Variants in PGS1 observed in about 807,000 individuals in gnomAD.
PGS1 encodes the protein phosphatidylglycerophosphate synthase 1.
Under a neutral mutation model 58.3 loss-of-function variants are expected in PGS1, and 44 were observed. The ratio of observed to expected loss-of-function variants is 0.75; its 90% confidence interval spans 0.59 to 0.97. PGS1 has a LOEUF of 0.97. PGS1 is among the 50% of genes least tolerant of loss of function. The pLI is 0.00. For synonymous variants in PGS1, 330 were observed against 311.0 expected (o/e 1.06, Z -0.64); for missense variants, 684 against 731.1 (o/e 0.94, Z 0.74).
At chr17:78,402,335 A>G (rs1054404621) in intron 6 of PGS1, among the ~76,000 whole-genome samples, 8 of 152,068 alleles carry the variant, frequency 5.3e-5, no homozygotes, top group South Asian at 2.1e-4. Context: ...TTATCAGACA[A>G]TCAACTTTGG....
At chr17:78,409,416 T>C (rs1329587984) in intron 7 of PGS1, among the ~76,000 whole-genome samples, 1 of 152,276 alleles carries the variant, frequency 6.6e-6, no homozygotes, top group African/African-American at 2.4e-5. Context: ...AATGTCACTA[T>C]TTTTATTGCC....
chr17:78,378,790 G>A lies in PGS1; in HGVS notation c.125G>A (p.Arg42Gln). 3 of 1,478,126 alleles carry A rather than the reference G, an allele frequency of 2.0e-6. No individual in the cohort carries two copies. The highest frequency in any genetic ancestry group is 1.3e-5 in the South Asian group (1 of 77,524). 91.6% of individuals were successfully genotyped at this position (1,478,126 alleles called of 1,614,324 possible). A position where few individuals can be genotyped will look rare whatever the true frequency, so the allele number is the denominator to read the frequency against. ...GRLSDRLGRN[R>Q]DRQRRRSPWL... Reference sequence around the variant, plus strand: ...CTGTCCGACCGCCTCGGCAGGAACCGGGACCGCCAGCGCAGGAGGTGAGAG... The same window carrying A: ...CTGTCCGACCGCCTCGGCAGGAACCAGGACCGCCAGCGCAGGAGGTGAGAG... Residue 42 changes from arginine to glutamine, a missense_variant, in exon 1 of 10, where the codon CGG becomes CAG. Coordinates refer to ENST00000262764, the MANE Select transcript of PGS1 (RefSeq NM_024419.5).
intron 2 of PGS1, among the ~76,000 whole-genome samples, chr17:78,392,874 G>A (rs554011483): frequency 2.6e-5 from 4 of 152,134 alleles, no homozygotes; most frequent in Non-Finnish European, 4.4e-5. Flanking sequence ...AGGTGGAGAA[G>A]CTCTGAGAAG....
intron 8 of PGS1, among the ~76,000 whole-genome samples, chr17:78,419,191 A>G (rs1193677090): frequency 6.6e-6 from 1 of 152,118 alleles, no homozygotes; most frequent in Non-Finnish European, 1.5e-5. Context: ...GAATTTTTTC[A>G]TAGAGATGAT....
rs2081813302 is a variant in PGS1 at position 78,378,758 on chromosome 17, G to A, written c.93G>A (p.Leu31=). 1.3e-6 allele frequency: 2 copies of A among 1,498,562 alleles called. No individual in the cohort carries two copies. The highest frequency in any genetic ancestry group is 2.8e-5 in the East Asian group (1 of 35,314). 92.8% of individuals were successfully genotyped at this position (1,498,562 alleles called of 1,614,324 possible). ...GCCGCCCAGGGCTGGCCGCGCTCCT[G>A]GGACGCCTGTCCGACCGCCTCGGCA... ...LPGRPGLAAL[L]GRLSDRLGRN... The change falls in exon 1 of 10, where the codon CTG becomes CTA. Residue 31 remains leucine, a synonymous_variant. Transcript: ENST00000262764.
chr17:78,414,743 C>A, intron 7 of PGS1, 136 bp from the exon 8 acceptor site: 1 of 956,268 alleles, frequency 1.0e-6, no homozygotes, highest in Non-Finnish European at 1.6e-6. Flanking sequence ...TGTGGCCTGT[C>A]CGCCGCTCTG....
At chr17:78,382,894 C>G (rs2082135997) in intron 1 of PGS1, 1 of 152,178 alleles carries the variant, frequency 6.6e-6, no homozygotes, top group African/African-American at 2.4e-5. Flanking sequence ...ATCCCCCCGC[C>G]TCGGCCTCCC....
At chr17:78,387,050 A>G (rs2082445621) in intron 1 of PGS1, among the ~76,000 whole-genome samples, 1 of 152,150 alleles carries the variant, frequency 6.6e-6, no homozygotes, top group Non-Finnish European at 1.5e-5. Flanking sequence ...TCTCTCCATC[A>G]CGCAGCCTGG....
intron 3 of PGS1, 174 bp from the exon 4 acceptor site, chr17:78,398,078 A>T (rs16971108): frequency 7.2e-6 from 5 of 689,930 alleles, no homozygotes; most frequent in Admixed American, 4.0e-5. Context: ...TCTGATGATC[A>T]TGAAGGTGCT....
chr17:78,395,887 C>T (rs192149339), intron 2 of PGS1, among the ~76,000 whole-genome samples: 3 of 152,292 alleles, frequency 2.0e-5, no homozygotes, highest in African/African-American at 2.4e-5. Context: ...TACAGGCACG[C>T]GCCACCATGG....
chr17:78,396,689 C>T (rs1336566283), intron 3 of PGS1, among the ~76,000 whole-genome samples: 1 of 152,256 alleles, frequency 6.6e-6, no homozygotes, highest in Non-Finnish European at 1.5e-5. Flanking sequence ...GCTTGGCCGA[C>T]TGTGGCCTGC....
chr17:78,388,011 G>A (rs1198304299), intron 1 of PGS1, among the ~76,000 whole-genome samples: 2 of 152,116 alleles, frequency 1.3e-5, no homozygotes, highest in East Asian at 1.9e-4. Context: ...CCTTTTTTGG[G>A]TATTTAAAAT....
intron 7 of PGS1, 76 bp from the exon 8 acceptor site, chr17:78,414,803 A>G (rs1022337905): frequency 1.3e-6 from 2 of 1,543,622 alleles, no homozygotes; most frequent in African/African-American, 1.4e-5. Context: ...TTTCTCTTAG[A>G]TTGCAGCAGC....
At chr17:78,423,905 G>A in intron 9 of PGS1, 156 bp from the exon 10 acceptor site, 1 of 1,613,940 alleles carries the variant, frequency 6.2e-7, no homozygotes, top group Non-Finnish European at 8.5e-7. Flanking sequence ...GCAGGAGCGA[G>A]CTAAACCTGT....
At chr17:78,398,095 C>G in intron 3 of PGS1, 157 bp from the exon 4 acceptor site, 4 of 723,484 alleles carry the variant, frequency 5.5e-6, no homozygotes, top group Admixed American at 3.8e-5. Context: ...TGCTCTCAGA[C>G]AGATAGCTTT....
intron 1 of PGS1, among the ~76,000 whole-genome samples, chr17:78,382,223 C>T (rs566560386): frequency 1.3e-4 from 20 of 152,128 alleles, no homozygotes; most frequent in African/African-American, 4.6e-4. Flanking sequence ...CTAGGGGTAC[C>T]GAGTAGGGGA....
At position 78,424,191 on chromosome 17, in the gene PGS1, CAGTA is replaced by C. The variant is rs777996547; in HGVS notation, c.*145_*148del. The C allele has an allele frequency of 8.9e-6, 14 of 1,576,738 alleles. No individual in the cohort carries two copies. In the African/African-American group the frequency reaches 1.2e-4, roughly 14 times the overall value. Reference sequence around the variant, plus strand: ...TATGGCTGAGGGTCAGGTGTGCTGCCAGTAAGTGAGGGAGGGGCTGGCAGGAAGG... The same window carrying C: ...TATGGCTGAGGGTCAGGTGTGCTGCCAGTGAGGGAGGGGCTGGCAGGAAGG... On this transcript the variant is annotated 3_prime_UTR_variant, in exon 10 of 10. Transcript: ENST00000262764.
intron 7 of PGS1, among the ~76,000 whole-genome samples, chr17:78,407,903 G>A (rs4129767): frequency 0.46 from 70,018 of 152,086 alleles, 16,659 homozygotes; most frequent in Admixed American, 0.53. Context: ...GTGGATTTCA[G>A]TGCAGTCTGG....
chr17:78,408,529 G>C (rs1015853306), intron 7 of PGS1, among the ~76,000 whole-genome samples: 2 of 152,210 alleles, frequency 1.3e-5, no homozygotes, highest in African/African-American at 4.8e-5. Flanking sequence ...GGCGCGTGGA[G>C]GTTGAAATCA....
Sources: allele counts gnomAD v4.1 joint callset (sites outside exome capture counted in the v4.1 genomes callset), GRCh38; gene constraint gnomAD v4.1.1; transcripts MANE v1.5; gene names NCBI Gene and HGNC (gene_info 2026-07-23, HGNC 2026-07-21).